Variants in QTGAL observed in about 807,000 individuals in gnomAD.
QTGAL encodes the protein queuosine-tRNA galactosyltransferase.
chr17:82,942,797 C>A, the QTGAL span: 1 of 425,884 alleles, frequency 2.3e-6, no homozygotes, highest in Non-Finnish European at 4.2e-6. Context: ...GGGCTGCACT[C>A]CTCCTGCCTG....
the QTGAL span, among the ~76,000 whole-genome samples, chr17:82,955,459 C>T: frequency 2.6e-5 from 4 of 152,180 alleles, no homozygotes; most frequent in East Asian, 7.7e-4. Flanking sequence ...TACCATCTCA[C>T]ACCAGTCAGA....
chr17:82,973,521 C>T, the QTGAL span, among the ~76,000 whole-genome samples: 37 of 152,194 alleles, frequency 2.4e-4, no homozygotes, highest in Non-Finnish European at 4.3e-4. Flanking sequence ...CAGCACATGA[C>T]GCCCGGGCAG....
chr17:83,031,917 A>G, the QTGAL span, among the ~76,000 whole-genome samples: 1 of 152,188 alleles, frequency 6.6e-6, no homozygotes, highest in South Asian at 2.1e-4. Context: ...GAGGATGTTC[A>G]CTCTCGTCCT....
At chr17:82,973,949 C>A in the QTGAL span, among the ~76,000 whole-genome samples, 1 of 152,110 alleles carries the variant, frequency 6.6e-6, no homozygotes, top group Non-Finnish European at 1.5e-5. Flanking sequence ...CTGTGTGTTC[C>A]CACCCCGCCT....
chr17:82,951,761 T>C, the QTGAL span, among the ~76,000 whole-genome samples: 1 of 148,832 alleles, frequency 6.7e-6, no homozygotes, highest in Non-Finnish European at 1.5e-5. Context: ...TTAACCTAAT[T>C]TCAATGTTGT....
chr17:83,006,375 G>A, the QTGAL span: 1 of 985,356 alleles, frequency 1.0e-6, no homozygotes, highest in African/African-American at 1.7e-5. This position sits in a 1 kb window ranked among gnomAD's most constrained non-coding sequence, Gnocchi z 5.8. Context: ...TGTTGTTGTT[G>A]TTTTTTAATT....
the QTGAL span, among the ~76,000 whole-genome samples, chr17:83,049,602 A>C: frequency 6.6e-6 from 1 of 151,948 alleles, no homozygotes; most frequent in African/African-American, 2.4e-5. Context: ...TCGGCAAACC[A>C]TGTTAGAAAA....
the QTGAL span, among the ~76,000 whole-genome samples, chr17:83,027,830 C>G: frequency 6.7e-6 from 1 of 149,698 alleles, no homozygotes; most frequent in South Asian, 2.1e-4. Context: ...GTAAGATAAA[C>G]AGGCCAGGTG....
chr17:83,005,211 C>G, the QTGAL span: 2 of 1,602,558 alleles, frequency 1.2e-6, no homozygotes, highest in Non-Finnish European at 1.7e-6. This position sits in a 1 kb window ranked among gnomAD's most constrained non-coding sequence, Gnocchi z 5.6. Flanking sequence ...AACCAATGAT[C>G]TGTGAAAAAC....
chr17:82,961,346 C>T, the QTGAL span: 1 of 750,344 alleles, frequency 1.3e-6, no homozygotes, highest in Non-Finnish European at 1.9e-6. Context: ...GGGCGGCGAC[C>T]ACAACAGACG....
At chr17:82,988,358 A>T in the QTGAL span, among the ~76,000 whole-genome samples, 3 of 152,236 alleles carry the variant, frequency 2.0e-5, no homozygotes, top group Admixed American at 6.5e-5. Flanking sequence ...AAATTAACTC[A>T]AGATGGATTA....
At chr17:83,048,803 T>G in the QTGAL span, 1 of 1,596,898 alleles carries the variant, frequency 6.3e-7, no homozygotes. Context: ...TCAAAAGAAA[T>G]GGATTAACAG....
the QTGAL span, among the ~76,000 whole-genome samples, chr17:82,969,854 A>G: frequency 2.0e-5 from 3 of 151,728 alleles, no homozygotes; most frequent in African/African-American, 7.3e-5. Context: ...TAATTTTTGT[A>G]TTTTTTGTTG....
chr17:83,020,502 C>T, the QTGAL span, among the ~76,000 whole-genome samples: 1 of 152,172 alleles, frequency 6.6e-6, no homozygotes, highest in South Asian at 2.1e-4. Flanking sequence ...CCACTGGAGA[C>T]CCACAAAGGC....
the QTGAL span, among the ~76,000 whole-genome samples, chr17:82,970,544 G>C: frequency 0.29 from 26,167 of 88,884 alleles, 5,496 homozygotes; most frequent in African/African-American, 0.5. Flanking sequence ...CGCGACCTCC[G>C]CACCCGGCGT....
At chr17:82,993,768 A>C in the QTGAL span, among the ~76,000 whole-genome samples, 1 of 151,962 alleles carries the variant, frequency 6.6e-6, no homozygotes, top group Non-Finnish European at 1.5e-5. Context: ...AAAAAAAAAA[A>C]CACCTGAAAT....
the QTGAL span, chr17:82,961,349 A>G: frequency 1.2e-6 from 1 of 829,382 alleles, no homozygotes; most frequent in Non-Finnish European, 1.8e-6. Context: ...CGGCGACCAC[A>G]ACAGACGTGA....
chr17:82,970,622 G>GCGTGGCCGCGACCTCCGCACACA, the QTGAL span, among the ~76,000 whole-genome samples: 7 of 60,070 alleles, frequency 1.2e-4, 1 homozygote, highest in African/African-American at 5.1e-4. Context: ...CTCCCCACCC[G>GCGTGGCCGCGACCTCCGCACACA]GCGTGGCCGC....
the QTGAL span, among the ~76,000 whole-genome samples, chr17:83,003,514 G>A: frequency 2.6e-4 from 8 of 31,254 alleles, no homozygotes; most frequent in East Asian, 1.1e-3. Context: ...TCTGCAGTCC[G>A]CGTGTGGGAT....
Sources: allele counts gnomAD v4.1 joint callset (sites outside exome capture counted in the v4.1 genomes callset), GRCh38; gene constraint gnomAD v4.1.1; non-coding constraint Gnocchi (gnomAD v3.1); transcripts MANE v1.5; gene names NCBI Gene and HGNC (gene_info 2026-07-23, HGNC 2026-07-21).